SLC27A6: variants seen among roughly 807,000 people sequenced by gnomAD.
SLC27A6 encodes long-chain fatty acid transport protein 6.
SLC27A6 carries 74 observed loss-of-function variants against 63.9 expected under a neutral mutation model. The ratio of observed to expected loss-of-function variants is 1.16; its 90% CI spans 0.96 to 1.40. The LOEUF (loss-of-function observed/expected upper bound fraction) is 1.40. Among genes scored for constraint, SLC27A6 ranks in the 40% most tolerant of loss-of-function variants. SLC27A6 has a pLI of 0.00. For synonymous variants in SLC27A6, 287 were observed against 260.8 expected, an observed-to-expected ratio of 1.10 and a Z score of -0.97; for missense variants, 794 against 732.9, an observed-to-expected ratio of 1.08 and a Z score of -0.96.
chr5:129,022,308 T>G (rs1355089115), intron 5 of SLC27A6, among the ~76,000 whole-genome samples: 2 of 152,204 alleles, frequency 1.3e-5, no homozygotes, highest in African/African-American at 4.8e-5. Flanking sequence ...CTTAAACACT[T>G]AGCACAGTGT....
chr5:129,033,014 C>A, intron 9 of SLC27A6, 92 bp from the exon 10 acceptor site: 1 of 674,538 alleles, frequency 1.5e-6, no homozygotes, highest in Non-Finnish European at 2.3e-6. Context: ...TATAAAGTGT[C>A]ATAATTTAAT....
chr5:129,007,597 C>A (rs1751588261), intron 4 of SLC27A6, among the ~76,000 whole-genome samples: 1 of 151,654 alleles, frequency 6.6e-6, no homozygotes, highest in African/African-American at 2.4e-5. Flanking sequence ...AAATTAAACA[C>A]AATATATTTT....
chr5:129,031,795 G>C (rs949404414), intron 9 of SLC27A6, among the ~76,000 whole-genome samples: 13 of 151,876 alleles, frequency 8.6e-5, no homozygotes, highest in Non-Finnish European at 1.9e-4. Context: ...AAAAATGGCA[G>C]AACACTAAAT....
intron 1 of SLC27A6, 127 bp from the exon 2 acceptor site, chr5:128,985,006 C>A: frequency 1.5e-6 from 1 of 670,452 alleles, no homozygotes; most frequent in Non-Finnish European, 2.5e-6. Flanking sequence ...TATTACTTAT[C>A]CAACATAAGA....
rs891950847 is a variant in SLC27A6 at position 128,966,799 on chromosome 5, C to T, written c.481+181C>T. ...AACAACTGTCTCCTCCCTTCAGGCA[C>T]GTAGTTTCAGAAAACTTTTATGAAA... On this transcript the variant is annotated intron_variant, in intron 1 of 9. Transcript: ENST00000262462. Among the ~76,000 whole-genome samples, 20 of 152,234 alleles carry T rather than the reference C, an allele frequency of 1.3e-4. No individual in the cohort carries two copies. In the East Asian group the frequency reaches 3.5e-3, roughly 26 times the overall value.
intron 1 of SLC27A6, among the ~76,000 whole-genome samples, chr5:128,975,464 G>C (rs563126752): frequency 6.6e-6 from 1 of 152,078 alleles, no homozygotes; most frequent in Non-Finnish European, 1.5e-5. Context: ...ACACCTAGGC[G>C]CTGTGGTATG....
At chr5:128,973,024 C>T (rs1432036952) in intron 1 of SLC27A6, among the ~76,000 whole-genome samples, 1 of 152,140 alleles carries the variant, frequency 6.6e-6, no homozygotes, top group Non-Finnish European at 1.5e-5. Flanking sequence ...CAGTCAGGAC[C>T]CTCAGCTGCA....
chr5:129,013,780 C>G (rs952482600), intron 4 of SLC27A6, among the ~76,000 whole-genome samples: 9 of 152,058 alleles, frequency 5.9e-5, no homozygotes, highest in Non-Finnish European at 5.9e-5. Context: ...TTTTATTATT[C>G]TATAGGGCTC....
Position 129,023,604 on chromosome 5 carries a change from A to ATTTT in SLC27A6, c.1165-8_1165-5dup. ...CTAAATGCTTGTTTCTATTTGTTTG[A>ATTTT]TTTTTTTTTTTGCAGCTTCTTTCCA... On this transcript the variant is annotated splice_polypyrimidine_tract_variant and intron_variant, in intron 5 of 9. Transcript: ENST00000262462. 3.0e-6 allele frequency: 4 copies of ATTTT among 1,318,692 alleles called. No individual in the cohort carries two copies. Among genetic ancestry groups the ATTTT allele is most frequent in the South Asian group, 2.7e-5 (2 of 74,044 alleles). The allele number at this position is 1,318,692 out of a possible 1,614,324, so 81.7% of individuals were successfully genotyped here.
intron 1 of SLC27A6, among the ~76,000 whole-genome samples, chr5:128,972,669 A>C (rs951094162): frequency 6.6e-6 from 1 of 152,128 alleles, no homozygotes; most frequent in African/African-American, 2.4e-5. Flanking sequence ...CCATTCATCT[A>C]ATCTTTTTTC....
chr5:128,972,287 T>C (rs1750200300), intron 1 of SLC27A6, among the ~76,000 whole-genome samples: 1 of 152,182 alleles, frequency 6.6e-6, no homozygotes, highest in Non-Finnish European at 1.5e-5. Context: ...TGTCTGTATT[T>C]CCTGAATTTG....
chr5:128,981,588 A>G (rs1750589471), intron 1 of SLC27A6, among the ~76,000 whole-genome samples: 1 of 151,962 alleles, frequency 6.6e-6, no homozygotes, highest in Non-Finnish European at 1.5e-5. Flanking sequence ...TCTAGCACCT[A>G]ATGGCATGCG....
At chr5:129,006,943 C>T (rs1751561255) in intron 4 of SLC27A6, among the ~76,000 whole-genome samples, 2 of 152,046 alleles carry the variant, frequency 1.3e-5, no homozygotes, top group South Asian at 4.1e-4. Flanking sequence ...ATTAAACTTT[C>T]ATGAAATCTG....
chr5:129,000,941 G>A (rs1751312879), intron 4 of SLC27A6, among the ~76,000 whole-genome samples: 1 of 152,198 alleles, frequency 6.6e-6, no homozygotes, highest in South Asian at 2.1e-4. Flanking sequence ...TCTGTAAGTA[G>A]CAGTTCCTAT....
chr5:129,028,488 G>T (rs1404453170), intron 8 of SLC27A6, 46 bp downstream of exon 8: 1 of 1,116,726 alleles, frequency 9.0e-7, no homozygotes, highest in African/African-American at 1.6e-5. Context: ...GAATAGAATT[G>T]CCACTATTCT....
intron 1 of SLC27A6, among the ~76,000 whole-genome samples, chr5:128,967,144 G>A (rs1043178543): frequency 2.0e-5 from 3 of 152,092 alleles, no homozygotes; most frequent in East Asian, 1.9e-4. Context: ...GAGCCAGAAC[G>A]TGGGCTCTTG....
chr5:128,979,827 CAT>C (rs751327751), intron 1 of SLC27A6, among the ~76,000 whole-genome samples: 2 of 152,142 alleles, frequency 1.3e-5, no homozygotes, highest in African/African-American at 4.8e-5. Flanking sequence ...AACTTGTGTG[CAT>C]ATATTCAGGG....
chr5:129,028,336 T>G lies in SLC27A6; in HGVS notation c.1455-9T>G. On this transcript the variant is annotated splice_polypyrimidine_tract_variant and intron_variant, in intron 7 of 9. Transcript: ENST00000262462. ...GTGCACTAACTGGAATTTGATTTTT[T>G]TCATTTAGATGGAAAGGAGAAAATG... 1 of 1,591,408 alleles carries G rather than the reference T, an allele frequency of 6.3e-7. No individual in the cohort carries two copies. Among genetic ancestry groups the G allele is most frequent in the Non-Finnish European group, 8.6e-7 (1 of 1,161,094 alleles).
intron 4 of SLC27A6, among the ~76,000 whole-genome samples, chr5:129,003,118 C>T (rs1291148734): frequency 2.6e-5 from 4 of 151,948 alleles, no homozygotes; most frequent in East Asian, 1.9e-4. Flanking sequence ...TGTGTGTGTG[C>T]GTGTGCCTGT....
Sources: gnomAD v4.1 joint callset for allele counts (sites outside exome capture counted in the v4.1 genomes callset) on GRCh38, gnomAD v4.1.1 for gene constraint, MANE v1.5 for transcripts, NCBI Gene and HGNC (gene_info 2026-07-23, HGNC 2026-07-21) for gene names.